The following CADPS2 variants were observed in gnomAD, a reference collection of about 807,000 sequenced individuals.
CADPS2 encodes calcium dependent secretion activator 2.
Under a neutral mutation model 172.5 loss-of-function variants are expected in CADPS2, and 93 were observed. The ratio of observed to expected loss-of-function variants is 0.54; its 90% CI spans 0.46 to 0.64. The LOEUF (loss-of-function observed/expected upper bound fraction) is 0.64, where lower values mean the gene tolerates loss of function less well. Ranked by LOEUF, CADPS2 falls within the 30% of genes least tolerant of loss-of-function variation. CADPS2 has a pLI of 0.00. For synonymous variants in CADPS2, 546 were observed against 555.2 expected (o/e 0.98, Z 0.23); for missense variants, 1,420 against 1,565.9 (o/e 0.91, Z 1.57).
chr7:122,376,586 G>C (rs895103834), intron 25 of CADPS2, among the ~76,000 whole-genome samples: 1 of 152,122 alleles, frequency 6.6e-6, no homozygotes, highest in Non-Finnish European at 1.5e-5. Context: ...GGGAGAAATG[G>C]AGAGATATTT....
At chr7:122,692,140 C>T (rs189152273) in intron 2 of CADPS2, among the ~76,000 whole-genome samples, 32 of 152,222 alleles carry the variant, frequency 2.1e-4, no homozygotes, top group African/African-American at 7.5e-4. Context: ...CGGGCAGGAC[C>T]AGGTTGTACA....
intron 6 of CADPS2, among the ~76,000 whole-genome samples, chr7:122,592,058 G>C (rs1042263435): frequency 6.6e-6 from 1 of 152,030 alleles, no homozygotes; most frequent in Admixed American, 6.6e-5. Context: ...GCAACCTACA[G>C]AATGGGAGAA....
At chr7:122,504,845 A>C (rs1031745417) in intron 9 of CADPS2, among the ~76,000 whole-genome samples, 1 of 152,162 alleles carries the variant, frequency 6.6e-6, no homozygotes, top group African/African-American at 2.4e-5. Flanking sequence ...GATTATAGGT[A>C]TCATCACCAT....
At chr7:122,625,987 C>T (rs1242747824) in intron 4 of CADPS2, among the ~76,000 whole-genome samples, 1 of 152,146 alleles carries the variant, frequency 6.6e-6, no homozygotes, top group Non-Finnish European at 1.5e-5. Context: ...TGGAAGTTCG[C>T]TGCAGGTGAA....
chr7:122,641,746 C>T (rs2077666772), intron 3 of CADPS2, among the ~76,000 whole-genome samples: 1 of 151,868 alleles, frequency 6.6e-6, no homozygotes, highest in Non-Finnish European at 1.5e-5. Flanking sequence ...CCTGAATGGT[C>T]CATGATTTTA....
At chr7:122,750,141 G>A (rs1016191491) in intron 1 of CADPS2, among the ~76,000 whole-genome samples, 4 of 152,058 alleles carry the variant, frequency 2.6e-5, no homozygotes, top group African/African-American at 9.7e-5. Context: ...TAGTTTAACT[G>A]AATGACTATT....
chr7:122,735,222 T>C (rs1411637255), intron 2 of CADPS2, among the ~76,000 whole-genome samples: 1 of 152,114 alleles, frequency 6.6e-6, no homozygotes, highest in East Asian at 1.9e-4. Flanking sequence ...ACTCTAGATA[T>C]ATTAGGTTGA....
chr7:122,686,819 G>T (rs908422144), intron 2 of CADPS2, among the ~76,000 whole-genome samples: 3 of 152,102 alleles, frequency 2.0e-5, no homozygotes, highest in Non-Finnish European at 4.4e-5. Context: ...CGAGTAGCTG[G>T]TATTACAGGA....
intron 1 of CADPS2, among the ~76,000 whole-genome samples, chr7:122,824,804 T>C (rs977460273): frequency 1.3e-5 from 2 of 152,178 alleles, no homozygotes; most frequent in African/African-American, 4.8e-5. Flanking sequence ...ATTTTATTTT[T>C]TATATTTAGA....
chr7:122,642,006 G>A (rs775260039), intron 3 of CADPS2, among the ~76,000 whole-genome samples: 6 of 152,216 alleles, frequency 3.9e-5, no homozygotes, highest in African/African-American at 9.6e-5. Flanking sequence ...GAGGCCGGCC[G>A]TGGTGGCTCA....
intron 8 of CADPS2, among the ~76,000 whole-genome samples, chr7:122,524,678 G>C (rs1346479022): frequency 6.6e-6 from 1 of 152,166 alleles, no homozygotes; most frequent in Non-Finnish European, 1.5e-5. Flanking sequence ...ATCTGTAACA[G>C]TCATGTTCTC....
intron 1 of CADPS2, among the ~76,000 whole-genome samples, chr7:122,872,734 T>A (rs758015057): frequency 1.4e-4 from 22 of 152,148 alleles, no homozygotes; most frequent in Non-Finnish European, 3.2e-4. Flanking sequence ...TATGTTAAAC[T>A]AGTAAGAATA....
intron 14 of CADPS2, among the ~76,000 whole-genome samples, chr7:122,460,547 C>A (rs1302168304): frequency 2.0e-5 from 3 of 151,500 alleles, no homozygotes; most frequent in African/African-American, 4.9e-5. Context: ...GCATTCAGAG[C>A]CCAGGACTTT....
At chr7:122,805,916 A>T (rs988730431) in intron 1 of CADPS2, among the ~76,000 whole-genome samples, 2 of 152,240 alleles carry the variant, frequency 1.3e-5, no homozygotes, top group Admixed American at 1.3e-4. Context: ...TTAGCTCTTC[A>T]TGGATGTTTT....
At chr7:122,702,194 C>T (rs1357556321) in intron 2 of CADPS2, 4 of 1,613,722 alleles carry the variant, frequency 2.5e-6, no homozygotes, top group East Asian at 4.5e-5. Flanking sequence ...ATGGCTCACC[C>T]ACTGCATGTG....
intron 28 of CADPS2, among the ~76,000 whole-genome samples, chr7:122,333,468 C>T (rs928176429): frequency 6.6e-6 from 1 of 152,176 alleles, no homozygotes; most frequent in African/African-American, 2.4e-5. Context: ...GAACCTTTTT[C>T]AGCAAACTGA....
chr7:122,795,131 G>C (rs1796093235), intron 1 of CADPS2, among the ~76,000 whole-genome samples: 4 of 151,630 alleles, frequency 2.6e-5, no homozygotes, highest in Non-Finnish European at 5.9e-5. Flanking sequence ...GATCTGAACT[G>C]AAGGAGATTG....
intron 1 of CADPS2, among the ~76,000 whole-genome samples, chr7:122,864,677 G>T (rs916008799): frequency 1.3e-5 from 2 of 152,076 alleles, no homozygotes; most frequent in African/African-American, 2.4e-5. Flanking sequence ...AAAGGAACAA[G>T]ACATAAAGGG....
intron 9 of CADPS2, among the ~76,000 whole-genome samples, chr7:122,505,847 G>A (rs2130625897): frequency 6.6e-6 from 1 of 152,146 alleles, no homozygotes; most frequent in African/African-American, 2.4e-5. Context: ...AATATCCCAA[G>A]AGATCTTACT....
Sources: allele counts gnomAD v4.1 joint callset (sites outside exome capture counted in the v4.1 genomes callset), GRCh38; gene constraint gnomAD v4.1.1; transcripts MANE v1.5; gene names NCBI Gene and HGNC (gene_info 2026-07-23, HGNC 2026-07-21).